LAMP3: variants seen among roughly 807,000 people sequenced by gnomAD.
LAMP3 encodes lysosome associated membrane protein 3, also known as lysosome-associated membrane glycoprotein 3.
Under a neutral mutation model 34.8 loss-of-function variants are expected in LAMP3, and 26 were observed. The ratio of observed to expected loss-of-function variants is 0.75; its 90% CI spans 0.55 to 1.04. The LOEUF (loss-of-function observed/expected upper bound fraction) is 1.04, where lower values mean the gene tolerates loss of function less well. Ranked by LOEUF, LAMP3 falls within the 50% of genes least tolerant of loss-of-function variation. The probability of loss-of-function intolerance (pLI) is 0.00; values close to 1 mark genes in which losing one functional copy is unlikely to be tolerated. For synonymous variants in LAMP3, 180 were observed against 201.9 expected (o/e 0.89, Z 0.92); for missense variants, 495 against 524.0 (o/e 0.94, Z 0.54).
At chr3:183,146,863 A>G (rs1017056600) in intron 3 of LAMP3, among the ~76,000 whole-genome samples, 3 of 151,964 alleles carry the variant, frequency 2.0e-5, no homozygotes, top group African/African-American at 7.2e-5. Context: ...AACATTAAAA[A>G]AAGTGCTTTT....
chr3:183,146,041 G>A (rs1330833264), intron 3 of LAMP3, among the ~76,000 whole-genome samples: 3 of 152,126 alleles, frequency 2.0e-5, no homozygotes, highest in Non-Finnish European at 4.4e-5. Context: ...CTACAACTTA[G>A]CTCTCATAAC....
At chr3:183,150,080 C>CA (rs1342658691) in intron 3 of LAMP3, among the ~76,000 whole-genome samples, 1 of 152,106 alleles carries the variant, frequency 6.6e-6, no homozygotes, top group Non-Finnish European at 1.5e-5. Flanking sequence ...TTGCAACACT[C>CA]GGGGCCATGG....
chr3:183,132,215 T>TA, intron 5 of LAMP3: 9 of 985,000 alleles, frequency 9.1e-6, no homozygotes, highest in Non-Finnish European at 1.1e-5. Context: ...TGCTTTAAAT[T>TA]AAAAAAGTGA....
At chr3:183,160,853 T>C (rs1008992123) in intron 1 of LAMP3, 2 of 152,220 alleles carry the variant, frequency 1.3e-5, no homozygotes, top group Non-Finnish European at 2.9e-5. Flanking sequence ...ATAGCAGTAC[T>C]TACAAAGCTG....
intron 4 of LAMP3, 70 bp from the exon 5 acceptor site, chr3:183,135,957 T>A: frequency 1.6e-6 from 2 of 1,266,338 alleles, no homozygotes; most frequent in African/African-American, 1.4e-5. Flanking sequence ...GTGGCCGGGC[T>A]GCCTGTGCAC....
intron 4 of LAMP3, among the ~76,000 whole-genome samples, chr3:183,139,960 A>G (rs1459134963): frequency 1.3e-5 from 2 of 152,234 alleles, no homozygotes; most frequent in East Asian, 3.8e-4. Context: ...AAATCTGTCA[A>G]AAAGCCACTA....
chr3:183,132,544 A>T lies in LAMP3; in HGVS notation c.1117+3173T>A, dbSNP rs903714038. The T allele has an allele frequency of 4.1e-6, 4 of 985,216 alleles. No homozygotes were observed. The African/African-American group carries it at 7.0e-5, about 17-fold the overall frequency. The allele number at this position is 985,216 out of a possible 1,614,324, so 61.0% of individuals were successfully genotyped here. ...AAGCACCCCACTCATGTCTCTGCCTATTGCCCCTAATTCCGGAAGCCAGCA... is the reference window on the plus strand; with the variant it reads ...AAGCACCCCACTCATGTCTCTGCCTTTTGCCCCTAATTCCGGAAGCCAGCA... On this transcript the variant is annotated intron_variant, in intron 5 of 5. Coordinates refer to ENST00000265598, the MANE Select transcript of LAMP3 (RefSeq NM_014398.4).
intron 3 of LAMP3, among the ~76,000 whole-genome samples, chr3:183,143,561 A>G (rs533398819): frequency 3.9e-5 from 6 of 152,294 alleles, no homozygotes; most frequent in South Asian, 2.1e-4. Context: ...TGTCCTACAC[A>G]TCTCTTCTGA....
In LAMP3 at chr3:183,162,649, G is replaced by A. The variant is rs1721013638; in HGVS notation, c.7C>T (p.Arg3Trp). Reference protein sequence around the residue: MPRQLSAAAALFA... With the variant: MPWQLSAAAALFA... The stretch of plus-strand genomic sequence containing the variant: ...AGCGCGGCCGCCGCGCTGAGCTGCC[G>A]GGGCATGGTGGGCGCTGGGCGAGGT... Residue 3 changes from arginine (R) to tryptophan (W), a missense_variant, in exon 1 of 6, where the codon CGG (arginine) becomes TGG (tryptophan). By Grantham distance (101) the Arg-to-Trp change is moderately radical. Transcript: ENST00000265598. 1.3e-6 allele frequency: 2 copies of A among 1,540,166 alleles called. No individual in the cohort carries two copies. Among genetic ancestry groups the A allele is most frequent in the Non-Finnish European group, 1.7e-6 (2 of 1,144,572 alleles).
rs778926765 is a variant in LAMP3, at chr3:183,123,234, C to A, written c.*847G>T. Reference sequence around the variant, plus strand: ...TTTTACATAAAAACACTTAGACAACCTGAGATATGTTGTTCTTTTTGATGA... The same window carrying A: ...TTTTACATAAAAACACTTAGACAACATGAGATATGTTGTTCTTTTTGATGA... On this transcript the variant is annotated 3_prime_UTR_variant, in exon 6 of 6. Coordinates refer to ENST00000265598, the MANE Select transcript of LAMP3 (RefSeq NM_014398.4). 5 of 152,132 alleles carry A rather than the reference C, an allele frequency of 3.3e-5. No homozygotes were observed. Among genetic ancestry groups the A allele is most frequent in the Admixed American group, 6.5e-5 (1 of 15,268 alleles). The allele number at this position is 152,132 out of a possible 1,614,324, so 9.4% of individuals were successfully genotyped here.
chr3:183,158,961 T>C (rs941867943), intron 1 of LAMP3, among the ~76,000 whole-genome samples: 1 of 151,912 alleles, frequency 6.6e-6, no homozygotes, highest in African/African-American at 2.4e-5. Context: ...TGCAGTGGCA[T>C]GCTCAGGGCT....
Position 183,152,482 on chromosome 3 carries a change from A to G in LAMP3, c.781T>C (p.Phe261Leu). The G allele has an allele frequency of 3.7e-6, 6 of 1,611,812 alleles. No homozygotes were observed. The highest frequency in any genetic ancestry group is 5.1e-6 in the Non-Finnish European group (6 of 1,179,208). ...KESVFSPRRY[F>L]NIDPNATQAS... ...TGCGTTGCGTTGGGGTCGATGTTGA[A>G]GTATCTCCGAGGTGAAAAAACCTAA... The change falls in exon 3 of 6, where the codon TTC (phenylalanine) becomes CTC (leucine). Residue 261 changes from phenylalanine (F) to leucine (L), a missense_variant. Transcript: ENST00000265598.
intron 5 of LAMP3, among the ~76,000 whole-genome samples, chr3:183,133,515 G>A (rs773533513): frequency 5.9e-5 from 9 of 152,024 alleles, no homozygotes; most frequent in Admixed American, 2.0e-4. Context: ...CCACCATGCC[G>A]GGCTAGTTTT....
chr3:183,137,451 C>A (rs1450449756), intron 4 of LAMP3, among the ~76,000 whole-genome samples: 1 of 152,174 alleles, frequency 6.6e-6, no homozygotes. Flanking sequence ...ATTTCACTGG[C>A]CAGAGGACCC....
intron 3 of LAMP3, among the ~76,000 whole-genome samples, chr3:183,144,904 C>CA (rs1419366636): frequency 6.6e-6 from 1 of 151,816 alleles, no homozygotes; most frequent in African/African-American, 2.4e-5. Flanking sequence ...GGCCCTTTCT[C>CA]AAAAAACAAA....
intron 3 of LAMP3, among the ~76,000 whole-genome samples, chr3:183,145,298 C>T (rs1720406576): frequency 6.6e-6 from 1 of 151,972 alleles, no homozygotes; most frequent in Non-Finnish European, 1.5e-5. Context: ...GAAAGGAAAT[C>T]CACCTCTCCT....
intron 4 of LAMP3, among the ~76,000 whole-genome samples, chr3:183,138,498 G>A (rs184881687): frequency 2.0e-3 from 307 of 152,228 alleles, no homozygotes; most frequent in Middle Eastern, 6.8e-3. Flanking sequence ...CTCTTAGTAC[G>A]GTACCTGGCA....
intron 5 of LAMP3, among the ~76,000 whole-genome samples, chr3:183,124,689 G>A (rs370690549): frequency 6.6e-5 from 10 of 152,062 alleles, no homozygotes; most frequent in South Asian, 2.1e-4. Context: ...AAAATTAGCC[G>A]GGCGTGGTGG....
rs1560300761 is a variant in LAMP3, at chr3:183,123,851, A to T, written c.*230T>A. The T allele has an allele frequency of 6.2e-6, 3 of 487,712 alleles. No homozygotes were observed. The highest frequency in any genetic ancestry group is 3.9e-5 in the Admixed American group (1 of 25,788). The allele number at this position is 487,712 out of a possible 1,614,324, so 30.2% of individuals were successfully genotyped here. ...TTGAGTGGCTAAAATATTCTAAAGGAAACTAGAAAATAAACAGCTCACTAT... is the reference window on the plus strand; with the variant it reads ...TTGAGTGGCTAAAATATTCTAAAGGTAACTAGAAAATAAACAGCTCACTAT... On this transcript the variant is annotated 3_prime_UTR_variant, in exon 6 of 6. Transcript: ENST00000265598.
Sources: gnomAD v4.1 joint callset for allele counts (sites outside exome capture counted in the v4.1 genomes callset) on GRCh38, gnomAD v4.1.1 for gene constraint, MANE v1.5 for transcripts, NCBI Gene and HGNC (gene_info 2026-07-23, HGNC 2026-07-21) for gene names.